The following DTL variants were observed in gnomAD, a reference collection of about 807,000 sequenced individuals.
DTL encodes denticleless E3 ubiquitin protein ligase adapter.
DTL carries 46 observed loss-of-function variants against 87.0 expected under a neutral mutation model. The ratio of observed to expected loss-of-function variants is 0.53; its 90% CI spans 0.42 to 0.68. DTL has a LOEUF of 0.68. DTL is among the 30% of genes least tolerant of loss of function. The probability of loss-of-function intolerance (pLI) is 0.00; values close to 1 mark genes in which losing one functional copy is unlikely to be tolerated. For synonymous variants in DTL, 308 were observed against 311.2 expected, an observed-to-expected ratio of 0.99 and a Z score of 0.11; for missense variants, 737 against 869.4, an observed-to-expected ratio of 0.85 and a Z score of 1.91.
intron 5 of DTL, chr1:212,051,696 C>G: frequency 8.7e-7 from 1 of 1,145,390 alleles, no homozygotes; most frequent in Non-Finnish European, 1.3e-6. Flanking sequence ...TTTCAGGAAG[C>G]TATCTCGGCT....
At position 212,044,629 on chromosome 1, in the gene DTL, C is replaced by G. The variant is rs113864541; in HGVS notation, c.179-31C>G. The G allele has an allele frequency of 4.3e-5, 57 of 1,311,066 alleles. No homozygotes were observed. In the East Asian group the frequency reaches 8.9e-4, roughly 20 times the overall value. The allele number at this position is 1,311,066 out of a possible 1,614,324, so 81.2% of individuals were successfully genotyped here. On this transcript the variant is annotated intron_variant, in intron 2 of 14. Coordinates refer to ENST00000366991, the MANE Select transcript of DTL (RefSeq NM_016448.4). Reference sequence around the variant, plus strand: ...AAAAAAAAAAAAAAATTGTGTTACTCTATATATTTTTTTCTTTATTTCTGC... The same window carrying G: ...AAAAAAAAAAAAAAATTGTGTTACTGTATATATTTTTTTCTTTATTTCTGC...
intron 8 of DTL, 146 bp from the exon 9 acceptor site, chr1:212,068,078 T>C (rs533032157): frequency 1.4e-5 from 8 of 567,854 alleles, no homozygotes; most frequent in Admixed American, 3.6e-5. Context: ...TAAGATACTT[T>C]AATTTGTTTC....
Position 212,047,319 on chromosome 1 carries a change from C to T in DTL, c.362C>T (p.Thr121Ile). 6.2e-7 allele frequency: 1 copy of T among 1,614,176 alleles called. No homozygotes were observed. Among genetic ancestry groups the T allele is most frequent in the Admixed American group, 1.7e-5 (1 of 60,032 alleles). ...LKLVTAAGDQ[T>I]AKFWDVKAGE... ...AAGGTTACAGCAGCAGGTGATCAAA[C>T]AGCCAAATTTTGGGACGTAAAAGCT... The change falls in exon 5 of 15, where the codon ACA (threonine) becomes ATA (isoleucine). Residue 121 changes from threonine (T) to isoleucine (I), a missense_variant. Thr to Ile is a moderately conservative substitution (Grantham distance 89). Coordinates refer to ENST00000366991, the MANE Select transcript of DTL (RefSeq NM_016448.4).
intron 11 of DTL, among the ~76,000 whole-genome samples, chr1:212,077,972 G>A (rs1654880829): frequency 6.6e-6 from 1 of 152,100 alleles, no homozygotes; most frequent in South Asian, 2.1e-4. Context: ...TGTTTTCATT[G>A]TGTTTTCTCA....
chr1:212,050,342 C>A (rs560833900), intron 5 of DTL, among the ~76,000 whole-genome samples: 5 of 152,242 alleles, frequency 3.3e-5, no homozygotes, highest in African/African-American at 1.2e-4. Flanking sequence ...CATAGTCACA[C>A]TAATGGAATT....
chr1:212,081,064 CATATT>C (rs1365979547), intron 13 of DTL, among the ~76,000 whole-genome samples: 3 of 151,940 alleles, frequency 2.0e-5, no homozygotes, highest in Admixed American at 6.6e-5. Flanking sequence ...ATAGAGCTAA[CATATT>C]AGTGTGAGAG....
Position 212,042,418 on chromosome 1 carries a change from A to G in DTL, c.53-575A>G, listed in dbSNP as rs551932356. Among the ~76,000 whole-genome samples, 4 of 152,358 alleles carry G rather than the reference A, an allele frequency of 2.6e-5. No homozygotes were observed. In the East Asian group the frequency reaches 5.8e-4, roughly 22 times the overall value. ...TTAAATGTTTTCTAGGGGTAGGTAC[A>G]TAACACTTCACTTTACAATTTCTCT... On this transcript the variant is annotated intron_variant, in intron 1 of 14. Coordinates refer to ENST00000366991, the MANE Select transcript of DTL (RefSeq NM_016448.4).
chr1:212,050,168 C>T (rs559728739), intron 5 of DTL, among the ~76,000 whole-genome samples: 1 of 152,014 alleles, frequency 6.6e-6, no homozygotes, highest in Non-Finnish European at 1.5e-5. Flanking sequence ...GAGACCCAGT[C>T]TCAAAATAAA....
At position 212,083,653 on chromosome 1, in the gene DTL, A is replaced by C. The variant is rs1233585094; in HGVS notation, c.1261+2903A>C. Among the ~76,000 whole-genome samples the C allele has an allele frequency of 2.0e-5, 3 of 152,202 alleles. No homozygotes were observed. In the South Asian group the frequency reaches 6.2e-4, roughly 32 times the overall value. On this transcript the variant is annotated intron_variant, in intron 13 of 14. Transcript: ENST00000366991. The stretch of plus-strand genomic sequence containing the variant: ...AGGAGGTCAAAAAACTGAGAAACCA[A>C]GGTATTGGAAAGATCATGTACATAG...
chr1:212,042,945 G>A, intron 1 of DTL, 48 bp from the exon 2 acceptor site: 1 of 1,519,352 alleles, frequency 6.6e-7, no homozygotes, highest in Non-Finnish European at 8.8e-7. Context: ...TAAAAATGCT[G>A]AAATGTGATG....
chr1:212,083,715 A>G (rs1433073603), intron 13 of DTL, among the ~76,000 whole-genome samples: 1 of 152,216 alleles, frequency 6.6e-6, no homozygotes, highest in Non-Finnish European at 1.5e-5. Flanking sequence ...ATAATGTTGA[A>G]GAGAGTAACA....
At chr1:212,036,826 A>G (rs1273693920) in intron 1 of DTL, among the ~76,000 whole-genome samples, 2 of 152,230 alleles carry the variant, frequency 1.3e-5, no homozygotes, top group African/African-American at 4.8e-5. Context: ...AAGGTCGACT[A>G]TAGCCAGAGG....
intron 13 of DTL, among the ~76,000 whole-genome samples, chr1:212,097,475 T>A (rs1024709021): frequency 2.6e-5 from 4 of 152,160 alleles, no homozygotes; most frequent in African/African-American, 9.7e-5. Flanking sequence ...GTCTTTGAGC[T>A]CCAAAATTCT....
intron 11 of DTL, among the ~76,000 whole-genome samples, chr1:212,072,981 G>A (rs891483506): frequency 3.9e-5 from 6 of 152,138 alleles, no homozygotes; most frequent in Non-Finnish European, 7.4e-5. Context: ...TAGCCAGGAT[G>A]GTCTCGATCT....
chr1:212,085,876 T>C (rs577732382), intron 13 of DTL, among the ~76,000 whole-genome samples: 1 of 152,364 alleles, frequency 6.6e-6, no homozygotes, highest in Non-Finnish European at 1.5e-5. Context: ...TTAAAGAGAC[T>C]ATTCTTTAGC....
chr1:212,068,191 G>A (rs1654564478), intron 8 of DTL, 33 bp from the exon 9 acceptor site: 3 of 1,453,614 alleles, frequency 2.1e-6, no homozygotes, highest in South Asian at 1.2e-5. Context: ...TTGGAAGAAG[G>A]TCTACAAAAT....
chr1:212,073,018 G>C (rs1260644915), intron 11 of DTL, among the ~76,000 whole-genome samples: 1 of 152,042 alleles, frequency 6.6e-6, no homozygotes, highest in African/African-American at 2.4e-5. Context: ...GCCCAACTTG[G>C]CCTCCCAAAG....
At position 212,078,210 on chromosome 1, in the gene DTL, G is replaced by A. The variant is rs1226548418; in HGVS notation, c.1073G>A (p.Gly358Asp). The A allele has an allele frequency of 6.2e-7, 1 of 1,612,944 alleles. No individual in the cohort carries two copies. Among genetic ancestry groups the A allele is most frequent in the South Asian group, 1.1e-5 (1 of 91,048 alleles). Residue 358 changes from glycine (G) to aspartate (D), a missense_variant, in exon 12 of 15, where the codon GGT becomes GAT. By Grantham distance (94) the Gly-to-Asp change is moderately conservative. Coordinates refer to ENST00000366991, the MANE Select transcript of DTL (RefSeq NM_016448.4). ...TGGCAACCTCCTACTGTGCTCCTGG[G>A]TCATTCTCAAGAGGTCACGTCTGTG... ...TPWQPPTVLLGHSQEVTSVCW... is the reference protein window; with the variant it reads ...TPWQPPTVLLDHSQEVTSVCW...
intron 13 of DTL, among the ~76,000 whole-genome samples, chr1:212,097,825 T>C (rs770992015): frequency 2.8e-4 from 42 of 152,148 alleles, no homozygotes; most frequent in Non-Finnish European, 4.4e-4. Flanking sequence ...GAATTGTTTT[T>C]CTGGTTCCTT....
Sources: allele counts gnomAD v4.1 joint callset (sites outside exome capture counted in the v4.1 genomes callset), GRCh38; gene constraint gnomAD v4.1.1; transcripts MANE v1.5; gene names NCBI Gene and HGNC (gene_info 2026-07-23, HGNC 2026-07-21).